Variants in AMN1 observed in about 807,000 individuals in gnomAD.
The protein encoded by AMN1 is antagonist of mitotic exit network 1 homolog.
A neutral mutation model predicts 33.0 loss-of-function variants in AMN1; 20 were observed. The ratio of observed to expected loss-of-function variants is 0.61; its 90% confidence interval spans 0.43 to 0.88. AMN1 has a LOEUF of 0.88. Among genes scored for constraint, AMN1 ranks in the 40% least tolerant of loss-of-function variants. AMN1 has a pLI of 0.00. For synonymous variants in AMN1, 114 were observed against 111.9 expected, an observed-to-expected ratio of 1.02 and a Z score of -0.12; for missense variants, 246 against 307.4, an observed-to-expected ratio of 0.80 and a Z score of 1.49.
intron 1 of AMN1, among the ~76,000 whole-genome samples, chr12:31,721,228 T>G (rs1237219885): frequency 6.6e-6 from 1 of 152,076 alleles, no homozygotes; most frequent in African/African-American, 2.4e-5. Flanking sequence ...TGGAGTAAAA[T>G]GTAGCGGTTT....
chr12:31,681,645 C>T (rs1938021035), intron 6 of AMN1, among the ~76,000 whole-genome samples: 1 of 152,092 alleles, frequency 6.6e-6, no homozygotes. Context: ...GGAGAGATGG[C>T]GTGGATGGGA....
intron 6 of AMN1, among the ~76,000 whole-genome samples, chr12:31,674,048 A>G (rs1042052286): frequency 6.6e-6 from 1 of 151,060 alleles, no homozygotes; most frequent in African/African-American, 2.4e-5. Context: ...AGGGGAATCT[A>G]CTTCCTTTAC....
chr12:31,703,946 T>C (rs1426051891), intron 2 of AMN1, among the ~76,000 whole-genome samples: 1 of 152,210 alleles, frequency 6.6e-6, no homozygotes, highest in Non-Finnish European at 1.5e-5. Context: ...TTACTAGCCT[T>C]ATTACTAAAA....
rs922388743 is a variant in AMN1 at position 31,683,112 on chromosome 12, G to A, written c.703+5895C>T. On this transcript the variant is annotated intron_variant, in intron 6 of 6. Transcript: ENST00000281471. The surrounding 1 kb of genome is among the most constrained non-coding windows in gnomAD (Gnocchi z 4.1). ...AGAGTAGCTGGGATTACAGGCGTGC[G>A]CCACCATGCCCAGCTAATTTTTGTA... is the stretch of plus-strand genomic sequence containing the variant. Among the ~76,000 whole-genome samples, 5 of 152,098 alleles carry A rather than the reference G, an allele frequency of 3.3e-5. No homozygotes were observed. The highest frequency in any genetic ancestry group is 1.9e-4 in the East Asian group (1 of 5,164).
chr12:31,705,167 T>A (rs1372696879), intron 2 of AMN1, among the ~76,000 whole-genome samples: 1 of 152,116 alleles, frequency 6.6e-6, no homozygotes, highest in Non-Finnish European at 1.5e-5. Context: ...CAGGTTAAAG[T>A]GCAATTCCAA....
chr12:31,706,364 T>C lies in AMN1; in HGVS notation c.171+2929A>G, dbSNP rs183151748. On this transcript the variant is annotated intron_variant, in intron 2 of 6. Transcript: ENST00000281471. The stretch of plus-strand genomic sequence containing the variant: ...TGCCTTTCTTTACCTACAACTGTCT[T>C]GGTAAATTCTTTTACCACCATCCCA... 3.8e-3 allele frequency among the ~76,000 whole-genome samples: 572 copies of C among 151,026 alleles called. 8 individuals are homozygous for C. Among genetic ancestry groups the C allele is most frequent in the African/African-American group, 0.013 (549 of 41,184 alleles).
Position 31,687,474 on chromosome 12 carries a change from A to G in AMN1, c.703+1533T>C, listed in dbSNP as rs370287997. Among the ~76,000 whole-genome samples the G allele has an allele frequency of 7.2e-5, 11 of 152,096 alleles. 1 individual carries two copies. Among genetic ancestry groups the G allele is most frequent in the East Asian group, 1.9e-4 (1 of 5,150 alleles). On this transcript the variant is annotated intron_variant, in intron 6 of 6. Coordinates refer to ENST00000281471, the MANE Select transcript of AMN1 (RefSeq NM_001113402.2). The surrounding 1 kb of genome is among the most constrained non-coding windows in gnomAD (Gnocchi z 4.1). ...GGGAGGCTGGGGTGGGTGGATCATG[A>G]GGTCAGGAGCCTGGCCTGACCAGTA...
chr12:31,697,432 A>G lies in AMN1; in HGVS notation c.535-15T>C. The stretch of plus-strand genomic sequence containing the variant: ...CTGTCAGATACCTAAGCAAAGGGAA[A>G]AAGAAACACAGTCCATGAATCCAGA... On this transcript the variant is annotated splice_polypyrimidine_tract_variant and intron_variant, in intron 4 of 6. Transcript: ENST00000281471. The G allele has an allele frequency of 6.2e-7, 1 of 1,611,520 alleles. No individual in the cohort carries two copies. Among genetic ancestry groups the G allele is most frequent in the Non-Finnish European group, 8.5e-7 (1 of 1,178,640 alleles).
At chr12:31,702,058 A>C in intron 2 of AMN1, 51 bp from the exon 3 acceptor site, 1 of 1,428,034 alleles carries the variant, frequency 7.0e-7, no homozygotes, top group Non-Finnish European at 9.4e-7. Flanking sequence ...ATAAATACAA[A>C]TATTTATTCC....
chr12:31,685,914 G>A (rs900945569), intron 6 of AMN1, among the ~76,000 whole-genome samples: 22 of 150,484 alleles, frequency 1.5e-4, no homozygotes, highest in Non-Finnish European at 4.4e-5. Context: ...GTGCAATGAC[G>A]TGATCTCAGC....
chr12:31,713,731 C>A (rs1939559172), intron 1 of AMN1, among the ~76,000 whole-genome samples: 1 of 152,086 alleles, frequency 6.6e-6, no homozygotes, highest in Non-Finnish European at 1.5e-5. Context: ...GTCCCAGCTA[C>A]CTGGGGTGCG....
intron 6 of AMN1, among the ~76,000 whole-genome samples, chr12:31,682,734 G>A (rs964306930): frequency 6.6e-6 from 1 of 152,156 alleles, no homozygotes; most frequent in African/African-American, 2.4e-5. Flanking sequence ...ATGGGCTTTT[G>A]AGCTAACAGT....
intron 6 of AMN1, among the ~76,000 whole-genome samples, chr12:31,677,620 C>T (rs1232811062): frequency 3.3e-5 from 5 of 151,990 alleles, no homozygotes; most frequent in African/African-American, 1.2e-4. Flanking sequence ...AAAAGGATTC[C>T]CCAAAGTATG....
intron 3 of AMN1, among the ~76,000 whole-genome samples, chr12:31,700,714 G>C (rs979529726): frequency 6.6e-6 from 1 of 151,726 alleles, no homozygotes; most frequent in Non-Finnish European, 1.5e-5. Flanking sequence ...TTTTGAGACG[G>C]AGTCTTGCTC....
In AMN1 at chr12:31,697,484, TATTC is replaced by T. The variant is rs1055683382; in HGVS notation, c.535-71_535-68del. On this transcript the variant is annotated intron_variant, in intron 4 of 6. Transcript: ENST00000281471. Reference sequence around the variant, plus strand: ...AACGGAAGTAGAATTTTCCAAAATGTATTCATTATTTAGATATAGTCTTAATGCC... The same window carrying T: ...AACGGAAGTAGAATTTTCCAAAATGTATTATTTAGATATAGTCTTAATGCC... 2.1e-5 allele frequency: 31 copies of T among 1,478,702 alleles called. 1 individual carries two copies. The African/African-American group carries it at 3.3e-4, about 16-fold the overall frequency. 91.6% of individuals were successfully genotyped at this position (1,478,702 alleles called of 1,614,324 possible). A position where few individuals can be genotyped will look rare whatever the true frequency, so the allele number is the denominator to read the frequency against.
At chr12:31,716,115 A>G (rs1939665475) in intron 1 of AMN1, among the ~76,000 whole-genome samples, 1 of 151,976 alleles carries the variant, frequency 6.6e-6, no homozygotes, top group Non-Finnish European at 1.5e-5. Flanking sequence ...TCATTTTTCC[A>G]TGGTTTCTTT....
At chr12:31,727,145 A>C (rs749259945) in intron 1 of AMN1, among the ~76,000 whole-genome samples, 1 of 152,128 alleles carries the variant, frequency 6.6e-6, no homozygotes, top group Non-Finnish European at 1.5e-5. Context: ...GTGAGCCACC[A>C]TGCCTGGCCT....
chr12:31,688,637 G>A (rs1403705698), intron 6 of AMN1, among the ~76,000 whole-genome samples: 6 of 152,098 alleles, frequency 3.9e-5, no homozygotes, highest in Middle Eastern at 3.4e-3. Context: ...GGGAAATCCC[G>A]TCTCTGCTAA....
At chr12:31,685,072 AG>A (rs1490448338) in intron 6 of AMN1, among the ~76,000 whole-genome samples, 10 of 146,666 alleles carry the variant, frequency 6.8e-5, no homozygotes. Context: ...ACTCTTGCCC[AG>A]GCTGGAGTGC....
Sources: allele counts gnomAD v4.1 joint callset (sites outside exome capture counted in the v4.1 genomes callset), GRCh38; gene constraint gnomAD v4.1.1; non-coding constraint Gnocchi (gnomAD v3.1); transcripts MANE v1.5; gene names NCBI Gene and HGNC (gene_info 2026-07-23, HGNC 2026-07-21).